CDH12: variants seen among roughly 807,000 people sequenced by gnomAD.
The protein encoded by CDH12 is cadherin 12.
CDH12 carries 41 observed loss-of-function variants against 74.1 expected under a neutral mutation model. The ratio of observed to expected loss-of-function variants is 0.55; its 90% CI spans 0.43 to 0.72. CDH12 has a LOEUF of 0.72. Ranked by LOEUF, CDH12 falls within the 30% of genes least tolerant of loss-of-function variation. CDH12 has a pLI of 0.00. For synonymous variants in CDH12, 399 were observed against 355.0 expected (o/e 1.12, Z -1.39); for missense variants, 945 against 977.2 (o/e 0.97, Z 0.44).
At chr5:21,922,803 A>G (rs1402659175) in intron 6 of CDH12, among the ~76,000 whole-genome samples, 1 of 152,102 alleles carries the variant, frequency 6.6e-6, no homozygotes, top group Non-Finnish European at 1.5e-5. Flanking sequence ...CTCTATCAGG[A>G]TAATATTACC....
chr5:21,833,202 AT>A (rs1749242543), intron 8 of CDH12, among the ~76,000 whole-genome samples: 1 of 43,986 alleles, frequency 2.3e-5, no homozygotes, highest in East Asian at 1.1e-3. Context: ...TATAATATAT[AT>A]ATTATAATAT....
intron 1 of CDH12, among the ~76,000 whole-genome samples, chr5:22,781,719 G>T (rs1269830136): frequency 6.6e-6 from 1 of 152,136 alleles, no homozygotes; most frequent in East Asian, 1.9e-4. Context: ...CGGCCAGAAT[G>T]CACTTCCCAT....
At chr5:22,106,276 A>G (rs2150255259) in intron 4 of CDH12, among the ~76,000 whole-genome samples, 1 of 152,308 alleles carries the variant, frequency 6.6e-6, no homozygotes, top group South Asian at 2.1e-4. Flanking sequence ...CCCAAACATA[A>G]AAGTTAAAAA....
At position 22,255,309 on chromosome 5, in the gene CDH12, G is replaced by A. The variant is rs536073439; in HGVS notation, c.-332-42666C>T. On this transcript the variant is annotated intron_variant, in intron 3 of 14. Transcript: ENST00000382254. ...ATGAGTTTCTATTTTTCACCATAAG[G>A]CTCAAGAGAATTAAGATCATGATCT... Among the ~76,000 whole-genome samples the A allele has an allele frequency of 7.9e-5, 12 of 151,566 alleles. No individual in the cohort carries two copies. The South Asian group carries it at 2.3e-3, about 29-fold the overall frequency.
chr5:22,688,844 G>C (rs370074354), intron 1 of CDH12, among the ~76,000 whole-genome samples: 6 of 152,234 alleles, frequency 3.9e-5, no homozygotes, highest in African/African-American at 1.2e-4. Context: ...ATAGAGGTTA[G>C]AACTCTGTGA....
intron 5 of CDH12, among the ~76,000 whole-genome samples, chr5:22,048,528 C>A (rs1000856608): frequency 6.6e-6 from 1 of 151,968 alleles, no homozygotes. Context: ...AAAATCTAGT[C>A]ATATTGAATG....
chr5:22,763,672 T>C (rs965374638), intron 1 of CDH12, among the ~76,000 whole-genome samples: 3 of 151,962 alleles, frequency 2.0e-5, no homozygotes, highest in African/African-American at 7.2e-5. Flanking sequence ...ACCTTAAAGA[T>C]GGACTCATGG....
intron 14 of CDH12, among the ~76,000 whole-genome samples, chr5:21,752,601 T>C (rs1012378821): frequency 6.6e-5 from 10 of 152,206 alleles, no homozygotes; most frequent in African/African-American, 2.4e-4. Context: ...TAAATAAGAC[T>C]ACCATTCATT....
intron 1 of CDH12, among the ~76,000 whole-genome samples, chr5:22,615,305 A>G (rs1408160331): frequency 6.6e-6 from 1 of 152,102 alleles, no homozygotes; most frequent in Non-Finnish European, 1.5e-5. Context: ...TTTTTCAACC[A>G]TTATTACTCA....
At chr5:21,773,412 G>C (rs191451212) in intron 11 of CDH12, among the ~76,000 whole-genome samples, 1 of 152,112 alleles carries the variant, frequency 6.6e-6, no homozygotes, top group Non-Finnish European at 1.5e-5. Flanking sequence ...AGAAGAACGC[G>C]GAAGGACTGG....
At chr5:22,539,987 T>C (rs1342128487) in intron 1 of CDH12, among the ~76,000 whole-genome samples, 2 of 152,214 alleles carry the variant, frequency 1.3e-5, no homozygotes, top group African/African-American at 4.8e-5. Context: ...CTAGTTCTTG[T>C]AGCATTCTGT....
At chr5:21,914,617 G>A (rs1754007770) in intron 6 of CDH12, among the ~76,000 whole-genome samples, 2 of 152,140 alleles carry the variant, frequency 1.3e-5, no homozygotes, top group South Asian at 4.1e-4. Flanking sequence ...TGAAAACTCA[G>A]GCAGGAGTTG....
chr5:22,172,813 T>C (rs1357260100), intron 4 of CDH12, among the ~76,000 whole-genome samples: 1 of 151,668 alleles, frequency 6.6e-6, no homozygotes, highest in Admixed American at 6.6e-5. Context: ...TTTAAATCTA[T>C]ATTAATGCAA....
chr5:22,726,067 A>G (rs1294705731), intron 1 of CDH12, among the ~76,000 whole-genome samples: 1 of 151,712 alleles, frequency 6.6e-6, no homozygotes, highest in Non-Finnish European at 1.5e-5. Flanking sequence ...ATCAATCTGT[A>G]GTTTATATTA....
chr5:22,379,921 T>C (rs956447891), intron 3 of CDH12, among the ~76,000 whole-genome samples: 6 of 152,050 alleles, frequency 3.9e-5, no homozygotes, highest in Non-Finnish European at 8.8e-5. Flanking sequence ...GCCCAGCCAA[T>C]TTTTTATTTT....
At chr5:21,766,661 A>G (rs1373316550) in intron 11 of CDH12, among the ~76,000 whole-genome samples, 1 of 151,904 alleles carries the variant, frequency 6.6e-6, no homozygotes, top group East Asian at 1.9e-4. Flanking sequence ...TGTTATTGCT[A>G]TCCATTATTT....
At chr5:21,880,709 CTTCCT>C (rs1442759809) in intron 6 of CDH12, among the ~76,000 whole-genome samples, 1 of 142,086 alleles carries the variant, frequency 7.0e-6, no homozygotes, top group African/African-American at 2.6e-5. Context: ...TCCTTCCTTC[CTTCCT>C]TTCTTTTCTT....
At chr5:22,155,172 T>C (rs1400595733) in intron 4 of CDH12, among the ~76,000 whole-genome samples, 1 of 152,168 alleles carries the variant, frequency 6.6e-6, no homozygotes, top group East Asian at 1.9e-4. Flanking sequence ...TCTCTGCTTA[T>C]AGAAAGGCTC....
At chr5:22,719,391 C>A (rs969758709) in intron 1 of CDH12, among the ~76,000 whole-genome samples, 1 of 152,026 alleles carries the variant, frequency 6.6e-6, no homozygotes, top group African/African-American at 2.4e-5. Context: ...ATGGTAGAAC[C>A]CTTCAACATT....
Sources: gnomAD v4.1 joint callset for allele counts (sites outside exome capture counted in the v4.1 genomes callset) on GRCh38, gnomAD v4.1.1 for gene constraint, MANE v1.5 for transcripts, NCBI Gene and HGNC (gene_info 2026-07-23, HGNC 2026-07-21) for gene names.